TBC1D32: variants seen among roughly 807,000 people sequenced by gnomAD.
TBC1D32 encodes the protein protein broad-minded.
Under a neutral mutation model 170.3 loss-of-function variants are expected in TBC1D32, and 151 were observed. That is an observed-to-expected ratio of 0.89 (90% CI 0.78 to 1.01). The LOEUF is 1.01. Among genes scored for constraint, TBC1D32 ranks in the 50% least tolerant of loss-of-function variants. The pLI, the probability that TBC1D32 is intolerant of heterozygous loss-of-function variation, is 0.00. For missense variants in TBC1D32, 1,464 were observed against 1,457.1 expected, an observed-to-expected ratio of 1.00 and a Z score of -0.08; for synonymous variants, 498 against 488.0, an observed-to-expected ratio of 1.02 and a Z score of -0.27.
Position 121,294,571 on chromosome 6 carries a change from G to A in TBC1D32, c.1230C>T (p.Cys410=). 1.2e-6 allele frequency: 2 copies of A among 1,606,634 alleles called. No homozygotes were observed. The highest frequency in any genetic ancestry group is 2.2e-5 in the East Asian group (1 of 44,682). The change falls in exon 11 of 32, where the codon TGC becomes TGT. Residue 410 remains cysteine (C), a splice_region_variant and synonymous_variant. Transcript: ENST00000398212. ...ADETLGHSKH[C]RNKQKTFYYL... is the part of the protein sequence containing the mutation. ...TGTAATAGAGGAAATAATACTTACTGCAATGCTTTGAATGTCCCAAAGTTT... is the reference window on the plus strand; with the variant it reads ...TGTAATAGAGGAAATAATACTTACTACAATGCTTTGAATGTCCCAAAGTTT...
chr6:121,264,125 G>GA (rs1024892647), intron 15 of TBC1D32, among the ~76,000 whole-genome samples: 26 of 151,612 alleles, frequency 1.7e-4, no homozygotes, highest in South Asian at 8.3e-4. Context: ...AAACCCTTCA[G>GA]AAAAAATCAA....
intron 22 of TBC1D32, among the ~76,000 whole-genome samples, chr6:121,203,059 A>C (rs1263934107): frequency 6.6e-6 from 1 of 151,382 alleles, no homozygotes; most frequent in Non-Finnish European, 1.5e-5. Context: ...AGGTACAAGG[A>C]AGGCTTAACT....
At chr6:121,304,111 T>TA (rs36058595) in intron 8 of TBC1D32, among the ~76,000 whole-genome samples, 1 of 145,910 alleles carries the variant, frequency 6.9e-6, no homozygotes, top group African/African-American at 2.5e-5. Flanking sequence ...ACTGATACAT[T>TA]AAAAAAAAAA....
chr6:121,144,166 G>A (rs1783137906), intron 24 of TBC1D32, among the ~76,000 whole-genome samples: 1 of 152,134 alleles, frequency 6.6e-6, no homozygotes, highest in African/African-American at 2.4e-5. Flanking sequence ...TTCCTATCCA[G>A]TATGGTGGGA....
At chr6:121,151,485 G>A (rs1181914722) in intron 24 of TBC1D32, among the ~76,000 whole-genome samples, 1 of 152,124 alleles carries the variant, frequency 6.6e-6, no homozygotes, top group East Asian at 1.9e-4. Context: ...CTGTTGATTT[G>A]GGGTGGAGAG....
intron 25 of TBC1D32, among the ~76,000 whole-genome samples, chr6:121,127,107 C>A (rs1261418920): frequency 2.0e-5 from 3 of 152,036 alleles, no homozygotes; most frequent in Non-Finnish European, 4.4e-5. Context: ...TTGTTGTTGA[C>A]AATAAATAAA....
intron 17 of TBC1D32, among the ~76,000 whole-genome samples, chr6:121,254,155 A>G (rs990010064): frequency 2.6e-5 from 4 of 152,174 alleles, no homozygotes; most frequent in Non-Finnish European, 5.9e-5. Flanking sequence ...TCCAAATGTC[A>G]TATGTTCTCA....
In TBC1D32 at chr6:121,080,714, C is replaced by T. The variant is rs1775552956; in HGVS notation, c.*57G>A. The T allele has an allele frequency of 2.6e-6, 4 of 1,531,100 alleles. No homozygotes were observed. The highest frequency in any genetic ancestry group is 1.3e-5 in the South Asian group (1 of 77,630). The allele number at this position is 1,531,100 out of a possible 1,614,324, so 94.8% of individuals were successfully genotyped here. ...TTACAGACACAGAAAAACATCAAGC[C>T]CCCCTGCTGTGTTTAAAAATAAATA... On this transcript the variant is annotated 3_prime_UTR_variant, in exon 32 of 32. Coordinates refer to ENST00000398212, the MANE Select transcript of TBC1D32 (RefSeq NM_152730.6).
At position 121,300,953 on chromosome 6, in the gene TBC1D32, T is replaced by C. The variant is rs185395569; in HGVS notation, c.1081-1448A>G. Reference sequence around the variant, plus strand: ...CACATGAAAAAATGCTCATCATCACTAGTCACTGGAGAAATGCAAATCAAA... The same window carrying C: ...CACATGAAAAAATGCTCATCATCACCAGTCACTGGAGAAATGCAAATCAAA... On this transcript the variant is annotated intron_variant, in intron 9 of 31. Coordinates refer to ENST00000398212, the MANE Select transcript of TBC1D32 (RefSeq NM_152730.6). Among the ~76,000 whole-genome samples, 518 of 152,286 alleles carry C rather than the reference T, an allele frequency of 3.4e-3. 4 individuals are homozygous for C. The highest frequency in any genetic ancestry group is 6.8e-3 in the Admixed American group (104 of 15,298).
At chr6:121,229,039 G>A (rs922745799) in intron 20 of TBC1D32, among the ~76,000 whole-genome samples, 1 of 151,792 alleles carries the variant, frequency 6.6e-6, no homozygotes, top group African/African-American at 2.4e-5. Flanking sequence ...ACTAAATGTG[G>A]CTGTGTCAGT....
chr6:121,112,620 A>G lies in TBC1D32; in HGVS notation c.3209T>C (p.Val1070Ala), dbSNP rs756157845. 1 of 1,607,260 alleles carries G rather than the reference A, an allele frequency of 6.2e-7. No homozygotes were observed. Among genetic ancestry groups the G allele is most frequent in the Non-Finnish European group, 8.5e-7 (1 of 1,176,404 alleles). ...QGNYAGHDWF[V>A]SSLFMIMLGD... The stretch of plus-strand genomic sequence containing the variant: ...CAACATTATCATGAACAGAGAAGAT[A>G]CAAACCAGTCATGGCCAGCATAATT... Residue 1070 changes from valine to alanine, a missense_variant, in exon 29 of 32, where the codon GTA (valine) becomes GCA (alanine). This residue lies in a region of TBC1D32 where 1,363 missense variants were observed against 1,338.1 expected (regional missense o/e 1.02). Transcript: ENST00000398212.
intron 2 of TBC1D32, among the ~76,000 whole-genome samples, chr6:121,319,604 G>A (rs1314642010): frequency 1.3e-5 from 2 of 152,180 alleles, no homozygotes; most frequent in East Asian, 3.9e-4. Context: ...AACTATAAAA[G>A]TAAATCTTAA....
Position 121,269,969 on chromosome 6 carries a change from T to C in TBC1D32, c.1733+9152A>G, listed in dbSNP as rs549892673. 2.0e-3 allele frequency among the ~76,000 whole-genome samples: 300 copies of C among 152,014 alleles called. 3 individuals are homozygous for C. The highest frequency in any genetic ancestry group is 0.016 in the Admixed American group (250 of 15,236). On this transcript the variant is annotated intron_variant, in intron 15 of 31. Coordinates refer to ENST00000398212, the MANE Select transcript of TBC1D32 (RefSeq NM_152730.6). ...CAGGATTAAGAAACTCACTCAAAAC[T>C]GCTCAACTACATGGAAACTGAACAA...
chr6:121,170,340 T>G, intron 22 of TBC1D32: 1 of 1,420,440 alleles, frequency 7.0e-7, no homozygotes, highest in Non-Finnish European at 9.3e-7. Flanking sequence ...TATCAAAAAT[T>G]ACTGTCTTAA....
intron 17 of TBC1D32, among the ~76,000 whole-genome samples, chr6:121,253,614 G>A (rs894493184): frequency 6.6e-6 from 1 of 152,076 alleles, no homozygotes; most frequent in African/African-American, 2.4e-5. Flanking sequence ...AGCTCCTCAG[G>A]AGGCTGAGGC....
intron 1 of TBC1D32, among the ~76,000 whole-genome samples, chr6:121,330,206 A>G (rs950952915): frequency 2.8e-4 from 43 of 151,978 alleles, no homozygotes; most frequent in African/African-American, 1.0e-3. Context: ...ACTAATTTTT[A>G]TATTTTTTGT....
rs117794840 is a variant in TBC1D32 at position 121,192,873 on chromosome 6, T to C, written c.2570+12202A>G. Among the ~76,000 whole-genome samples, 800 of 152,252 alleles carry C rather than the reference T, an allele frequency of 5.3e-3. 5 individuals are homozygous for C. The highest frequency in any genetic ancestry group is 0.017 in the Middle Eastern group (5 of 294). Reference sequence around the variant, plus strand: ...CTGAGGAGACAAACCTTGTGCTACCTAAGACAACAATGATGGCCTCCCCTG... The same window carrying C: ...CTGAGGAGACAAACCTTGTGCTACCCAAGACAACAATGATGGCCTCCCCTG... On this transcript the variant is annotated intron_variant, in intron 22 of 31. Transcript: ENST00000398212.
At chr6:121,221,664 A>G (rs6569182) in intron 21 of TBC1D32, among the ~76,000 whole-genome samples, 134,423 of 152,170 alleles carry the variant, frequency 0.88, 59,835 homozygotes, top group East Asian at 0.98. Flanking sequence ...AACTACAGAC[A>G]TGGTGGAAAT....
intron 22 of TBC1D32, among the ~76,000 whole-genome samples, chr6:121,169,851 A>G (rs1786704031): frequency 6.6e-6 from 1 of 152,156 alleles, no homozygotes; most frequent in Non-Finnish European, 1.5e-5. Flanking sequence ...ACAGTCAGCC[A>G]AATTGAGGTA....
Sources: gnomAD v4.1 joint callset for allele counts (sites outside exome capture counted in the v4.1 genomes callset) on GRCh38, gnomAD v4.1.1 for gene constraint, gnomAD v4.1.1 regional missense constraint, MANE v1.5 for transcripts, NCBI Gene and HGNC (gene_info 2026-07-23, HGNC 2026-07-21) for gene names.